The following IL17RC variants were observed in gnomAD, a reference collection of about 807,000 sequenced individuals.
The protein encoded by IL17RC is interleukin 17 receptor C.
In IL17RC, 53 loss-of-function variants were observed where a neutral mutation model predicts 86.7. That is an observed-to-expected ratio of 0.61 (90% confidence interval 0.49 to 0.77). The LOEUF (loss-of-function observed/expected upper bound fraction) is 0.77. Among genes scored for constraint, IL17RC ranks in the 30% least tolerant of loss-of-function variants. IL17RC has a pLI of 0.00. For synonymous variants in IL17RC, 439 were observed against 413.1 expected, an observed-to-expected ratio of 1.06 and a Z score of -0.76; for missense variants, 957 against 940.0, an observed-to-expected ratio of 1.02 and a Z score of -0.24.
Position 9,924,555 on chromosome 3 carries a change from TC to T in IL17RC, c.822+267del, listed in dbSNP as rs373862578. ...AATGTCACCTTCTCCTTGAAACCTT[TC>T]CCTACTCCTCCAGTTCTGTCTTTGT... is the stretch of plus-strand genomic sequence containing the variant. On this transcript the variant is annotated intron_variant, in intron 9 of 18. Coordinates refer to ENST00000403601, the MANE Select transcript of IL17RC (RefSeq NM_153460.4). Among the ~76,000 whole-genome samples the T allele has an allele frequency of 4.1e-3, 631 of 152,296 alleles. 3 individuals carry two copies. Among genetic ancestry groups the T allele is most frequent in the African/African-American group, 0.014 (592 of 41,566 alleles).
At chr3:9,931,470 C>CACACACATATATATATATATATAT (rs750351615) in intron 16 of IL17RC, among the ~76,000 whole-genome samples, 9 of 43,708 alleles carry the variant, frequency 2.1e-4, no homozygotes, top group South Asian at 8.9e-4. Context: ...CACACACACA[C>CACACACATATATATATATATATAT]ATATATATAT....
intron 7 of IL17RC, 130 bp downstream of exon 7, chr3:9,921,099 CA>C: frequency 1.7e-6 from 1 of 585,128 alleles, no homozygotes. Flanking sequence ...TTCATTCATT[CA>C]TTCATTCATT....
At chr3:9,928,758 C>T (rs279547) in intron 12 of IL17RC, 128 bp downstream of exon 12, 313,130 of 922,576 alleles carry the variant, frequency 0.34, 60,041 homozygotes, top group African/African-American at 0.73. Context: ...GTTCCACTGC[C>T]TACTTTAGTA....
intron 12 of IL17RC, chr3:9,929,560 A>C: frequency 2.2e-6 from 1 of 450,686 alleles, no homozygotes; most frequent in Non-Finnish European, 4.0e-6. Flanking sequence ...CAGGGTGGTC[A>C]TGTGAGAAAG....
Position 9,932,265 on chromosome 3 carries a change from C to A in IL17RC, c.1388-343C>A, listed in dbSNP as rs956197682. ...TGTTTTGAGAGGAGTCTCACCCTGTCGCCCAGGCTGGAGTGCAATGGCGCG... is the reference window on the plus strand; with the variant it reads ...TGTTTTGAGAGGAGTCTCACCCTGTAGCCCAGGCTGGAGTGCAATGGCGCG... On this transcript the variant is annotated intron_variant, in intron 16 of 18. Transcript: ENST00000403601. Among the ~76,000 whole-genome samples the A allele has an allele frequency of 3.6e-4, 54 of 152,018 alleles. 1 individual carries two copies. The highest frequency in any genetic ancestry group is 3.5e-3 in the Admixed American group (54 of 15,262).
Position 9,930,604 on chromosome 3 carries a change from G to A in IL17RC, c.1338+145G>A. ...AAGAAGCACAGTTCCTATCCCCAAG[G>A]AGCACACTGTTGGCTAGACACCCAT... is the stretch of plus-strand genomic sequence containing the variant. On this transcript the variant is annotated intron_variant, in intron 15 of 18. Coordinates refer to ENST00000403601, the MANE Select transcript of IL17RC (RefSeq NM_153460.4). The surrounding 1 kb of genome is among the most constrained non-coding windows in gnomAD (Gnocchi z 5.8). 1 of 821,100 alleles carries A rather than the reference G, an allele frequency of 1.2e-6. No homozygotes were observed. Among genetic ancestry groups the A allele is most frequent in the Non-Finnish European group, 2.0e-6 (1 of 509,070 alleles). 50.9% of individuals were successfully genotyped at this position (821,100 alleles called of 1,614,324 possible). A position where few individuals can be genotyped will look rare whatever the true frequency, so the allele number is the denominator to read the frequency against.
Position 9,924,310 on chromosome 3 carries a change from T to C in IL17RC, c.822+19T>C, listed in dbSNP as rs1179761682. The C allele has an allele frequency of 6.2e-7, 1 of 1,612,618 alleles. No homozygotes were observed. The highest frequency in any genetic ancestry group is 1.7e-5 in the Admixed American group (1 of 59,988). On this transcript the variant is annotated intron_variant, in intron 9 of 18. Transcript: ENST00000403601. ...TATTCAGGTAGGAGCAGAGTCTAGCTGGGTGCCAGAAGAGGAGTGGGAAGA... is the reference window on the plus strand; with the variant it reads ...TATTCAGGTAGGAGCAGAGTCTAGCCGGGTGCCAGAAGAGGAGTGGGAAGA...
At chr3:9,918,676 T>G (rs1432957492) in intron 5 of IL17RC, 67 bp downstream of exon 5, 2 of 1,039,774 alleles carry the variant, frequency 1.9e-6, no homozygotes, top group African/African-American at 3.1e-5. Context: ...ATGCATTATC[T>G]CTTTGAGGAT....
rs753551976 is a variant in IL17RC at position 9,917,402 on chromosome 3, C to T, written c.87C>T (p.Asp29=). The change falls in exon 1 of 19, where the codon GAC becomes GAT. Residue 29 remains aspartate (D), a synonymous_variant. Coordinates refer to ENST00000403601, the MANE Select transcript of IL17RC (RefSeq NM_153460.4). ...TGGAGAGGCTTGTGGGGCCTCAGGA[C>T]GCTACCCACTGCTCTCCGGTGAGTC... is the stretch of plus-strand genomic sequence containing the variant. ...LSLERLVGPQ[D]ATHCSPGLSC... 3.1e-6 allele frequency: 5 copies of T among 1,614,112 alleles called. No individual in the cohort carries two copies. Among genetic ancestry groups the T allele is most frequent in the Admixed American group, 1.7e-5 (1 of 60,030 alleles).
chr3:9,917,236 C>A lies in IL17RC; in HGVS notation c.-80C>A. On this transcript the variant is annotated 5_prime_UTR_variant, in exon 1 of 19. Coordinates refer to ENST00000403601, the MANE Select transcript of IL17RC (RefSeq NM_153460.4). Reference sequence around the variant, plus strand: ...TTCCAGCCCCTGCCACCCACAGACACGGGCTGACTGGGGTGTCTGCCCCCC... The same window carrying A: ...TTCCAGCCCCTGCCACCCACAGACAAGGGCTGACTGGGGTGTCTGCCCCCC... The A allele has an allele frequency of 8.8e-7, 1 of 1,139,420 alleles. No individual in the cohort carries two copies. Among genetic ancestry groups the A allele is most frequent in the Non-Finnish European group, 1.2e-6 (1 of 803,672 alleles). The allele number at this position is 1,139,420 out of a possible 1,614,324, so 70.6% of individuals were successfully genotyped here. A position where few individuals can be genotyped will look rare whatever the true frequency, so the allele number is the denominator to read the frequency against.
At chr3:9,927,147 T>C (rs1342423677) in intron 9 of IL17RC, among the ~76,000 whole-genome samples, 1 of 152,260 alleles carries the variant, frequency 6.6e-6, no homozygotes, top group African/African-American at 2.4e-5. Context: ...CATAGAGCTA[T>C]GCACATAATA....
Position 9,929,315 on chromosome 3 carries a change from G to C in IL17RC, c.1111-537G>C, listed in dbSNP as rs187699691. 3.2e-3 allele frequency: 492 copies of C among 154,574 alleles called. 7 individuals carry two copies. Among genetic ancestry groups the C allele is most frequent in the South Asian group, 0.031 (157 of 5,048 alleles). 9.6% of individuals were successfully genotyped at this position (154,574 alleles called of 1,614,324 possible). A position where few individuals can be genotyped will look rare whatever the true frequency, so the allele number is the denominator to read the frequency against. ...GGTGACAGAGTGAGACTGGGCGACA[G>C]AGTGAAACTCCGTCTCAAAAAAAAA... On this transcript the variant is annotated intron_variant, in intron 12 of 18. Coordinates refer to ENST00000403601, the MANE Select transcript of IL17RC (RefSeq NM_153460.4).
chr3:9,923,118 A>G (rs1298002348), intron 7 of IL17RC, among the ~76,000 whole-genome samples: 1 of 148,072 alleles, frequency 6.8e-6, no homozygotes, highest in Non-Finnish European at 1.5e-5. Flanking sequence ...CAGAGCTTGC[A>G]GTGAGCCGAG....
At position 9,933,366 on chromosome 3, in the gene IL17RC, C is replaced by T. The variant is rs1473156485; in HGVS notation, c.1936C>T (p.Leu646Phe). 1 of 1,612,482 alleles carries T rather than the reference C, an allele frequency of 6.2e-7. No individual in the cohort carries two copies. The highest frequency in any genetic ancestry group is 1.1e-5 in the South Asian group (1 of 90,862). The change falls in exon 19 of 19, where the codon CTT becomes TTT. Residue 646 changes from leucine to phenylalanine, a missense_variant. Transcript: ENST00000403601. ...GCTCCACCCGGACGCCGTACCCGCC[C>T]TTTTCCGCACCGTGCCCGTCTTCAC... ...RLLHPDAVPALFRTVPVFTLP... is the reference protein window; with the variant it reads ...RLLHPDAVPAFFRTVPVFTLP...
In IL17RC at chr3:9,917,980, C is replaced by G. The variant is rs371746550; in HGVS notation, c.185C>G (p.Ala62Gly). ...GTGCCTGCTCCGGGCCCCGTGCTGG[C>G]GCCTACGCACCTGCAGACAGAGCTG... ...DIVPAPGPVLAPTHLQTELVL... is the reference protein window; with the variant it reads ...DIVPAPGPVLGPTHLQTELVL... The change falls in exon 3 of 19, where the codon GCG becomes GGG. Residue 62 changes from alanine to glycine, a missense_variant. Coordinates refer to ENST00000403601, the MANE Select transcript of IL17RC (RefSeq NM_153460.4). 135 of 1,613,800 alleles carry G rather than the reference C, an allele frequency of 8.4e-5. 2 individuals are homozygous for G. In the South Asian group the frequency reaches 1.5e-3, roughly 18 times the overall value.
chr3:9,923,668 G>C (rs2083785102), intron 7 of IL17RC, among the ~76,000 whole-genome samples: 1 of 152,152 alleles, frequency 6.6e-6, no homozygotes, highest in South Asian at 2.1e-4. Flanking sequence ...GAGAAGCAGG[G>C]AGAATAGCTC....
intron 8 of IL17RC, 102 bp from the exon 9 acceptor site, chr3:9,924,130 G>T: frequency 6.2e-7 from 1 of 1,608,386 alleles, no homozygotes. Context: ...CCAAGCAAGG[G>T]AAAATTGGTG....
chr3:9,933,570 C>A lies in IL17RC; in HGVS notation c.2140C>A (p.Pro714Thr). ...ACGCGGGGTGGGACCAGGCGCGGGA[C>A]CTGGGGCGGGGGACGGGACTTAAAT... is the stretch of plus-strand genomic sequence containing the variant. ...PGRGVGPGAG[P>T]GAGDGT Residue 714 changes from proline (P) to threonine (T), a missense_variant, in exon 19 of 19, where the codon CCT becomes ACT. By Grantham distance (38) the Pro-to-Thr change is conservative. Coordinates refer to ENST00000403601, the MANE Select transcript of IL17RC (RefSeq NM_153460.4). 6.2e-7 allele frequency: 1 copy of A among 1,601,536 alleles called. No individual in the cohort carries two copies. Among genetic ancestry groups the A allele is most frequent in the South Asian group, 1.1e-5 (1 of 90,136 alleles).
chr3:9,930,784 G>C lies in IL17RC; in HGVS notation c.1339-111G>C. The C allele has an allele frequency of 2.1e-6, 2 of 943,726 alleles. No individual in the cohort carries two copies. The highest frequency in any genetic ancestry group is 3.5e-6 in the Non-Finnish European group (2 of 568,176). The allele number at this position is 943,726 out of a possible 1,614,324, so 58.5% of individuals were successfully genotyped here. A position where few individuals can be genotyped will look rare whatever the true frequency, so the allele number is the denominator to read the frequency against. ...CAGAGCAGCTGCAGGAACCTTAGCC[G>C]GGAGATATGCATAGTTGATGCTGGG... On this transcript the variant is annotated intron_variant, in intron 15 of 18. Transcript: ENST00000403601. This position sits in a 1 kb window ranked among gnomAD's most constrained non-coding sequence, Gnocchi z 5.8.
Sources: allele counts gnomAD v4.1 joint callset (sites outside exome capture counted in the v4.1 genomes callset), GRCh38; gene constraint gnomAD v4.1.1; non-coding constraint Gnocchi (gnomAD v3.1); transcripts MANE v1.5; gene names NCBI Gene and HGNC (gene_info 2026-07-23, HGNC 2026-07-21).